Variants in MYRIP observed in about 807,000 individuals in gnomAD.
MYRIP encodes myosin VIIA and Rab interacting protein.
MYRIP carries 49 observed loss-of-function variants against 98.0 expected under a neutral mutation model. That is an observed-to-expected ratio of 0.50 (90% confidence interval 0.40 to 0.63). MYRIP has a LOEUF of 0.63. Ranked by LOEUF, MYRIP falls within the 30% of genes least tolerant of loss-of-function variation. The pLI is 0.00. For missense variants in MYRIP, 1,004 were observed against 1,058.2 expected (o/e 0.95, Z 0.71); for synonymous variants, 404 against 409.5 (o/e 0.99, Z 0.16).
intron 2 of MYRIP, among the ~76,000 whole-genome samples, chr3:39,930,785 G>A (rs1465295948): frequency 6.6e-6 from 1 of 151,956 alleles, no homozygotes; most frequent in Non-Finnish European, 1.5e-5. Flanking sequence ...AAAGACTACT[G>A]TTCCTCATTT....
At chr3:39,993,514 A>G (rs1946231973) in intron 2 of MYRIP, among the ~76,000 whole-genome samples, 1 of 152,144 alleles carries the variant, frequency 6.6e-6, no homozygotes, top group South Asian at 2.1e-4. Flanking sequence ...AAGTACCACC[A>G]TGTTGGGTGA....
intron 11 of MYRIP, among the ~76,000 whole-genome samples, chr3:40,214,941 A>G (rs2125674380): frequency 6.6e-6 from 1 of 152,262 alleles, no homozygotes; most frequent in East Asian, 1.9e-4. Context: ...CCAGGCCTGG[A>G]CCAGCAGTCC....
chr3:39,944,390 T>C (rs1944854873), intron 2 of MYRIP, among the ~76,000 whole-genome samples: 1 of 152,172 alleles, frequency 6.6e-6, no homozygotes, highest in Non-Finnish European at 1.5e-5. Flanking sequence ...GGAAGTACTC[T>C]ATACTGATAC....
At chr3:39,858,777 C>T (rs1346262723) in intron 1 of MYRIP, among the ~76,000 whole-genome samples, 5 of 151,980 alleles carry the variant, frequency 3.3e-5, no homozygotes, top group Admixed American at 3.3e-4. Flanking sequence ...TTAAAACACT[C>T]CTGAACAACC....
chr3:39,811,929 G>A (rs764785681), intron 1 of MYRIP, among the ~76,000 whole-genome samples: 5 of 152,106 alleles, frequency 3.3e-5, no homozygotes, highest in African/African-American at 4.8e-5. Flanking sequence ...ATTCCCGATG[G>A]CTGAAAAATA....
intron 2 of MYRIP, among the ~76,000 whole-genome samples, chr3:39,906,634 A>G (rs2125676343): frequency 6.6e-6 from 1 of 152,288 alleles, no homozygotes; most frequent in African/African-American, 2.4e-5. Flanking sequence ...CTCTTGAGAA[A>G]TTTTCAAATA....
chr3:39,875,576 T>A (rs575716624), intron 1 of MYRIP, among the ~76,000 whole-genome samples: 1 of 151,964 alleles, frequency 6.6e-6, no homozygotes, highest in Admixed American at 6.6e-5. Context: ...ACATCTTTAT[T>A]TCTGCCTTCA....
rs567408376 is a variant in MYRIP at position 40,067,306 on chromosome 3, G to A, written c.332+23035G>A. Among the ~76,000 whole-genome samples the A allele has an allele frequency of 1.2e-3, 177 of 152,308 alleles. 2 individuals carry two copies. The South Asian group carries it at 0.034, about 29-fold the overall frequency. ...TGGATTTGAGCAAAGGCTGTGTGCAGTTGTAAAGCAAGAATGAGGTCTGGG... is the reference window on the plus strand; with the variant it reads ...TGGATTTGAGCAAAGGCTGTGTGCAATTGTAAAGCAAGAATGAGGTCTGGG... On this transcript the variant is annotated intron_variant, in intron 3 of 16. Coordinates refer to ENST00000302541, the MANE Select transcript of MYRIP (RefSeq NM_015460.4).
At chr3:40,218,612 T>TTATATATACATATA in intron 11 of MYRIP, among the ~76,000 whole-genome samples, 1 of 13,574 alleles carries the variant, frequency 7.4e-5, no homozygotes, top group African/African-American at 1.3e-4. Flanking sequence ...TATATATATT[T>TTATATATACATATA]TATATATATA....
At chr3:39,899,214 C>T (rs4676532) in intron 1 of MYRIP, among the ~76,000 whole-genome samples, 52,820 of 151,674 alleles carry the variant, frequency 0.35, 9,524 homozygotes, top group Middle Eastern at 0.45. Context: ...TACTTGTATG[C>T]ATGCTGTACA....
chr3:39,848,877 A>G (rs1012504105), intron 1 of MYRIP, among the ~76,000 whole-genome samples: 2 of 152,238 alleles, frequency 1.3e-5, no homozygotes, highest in African/African-American at 4.8e-5. Context: ...TTAATAATTT[A>G]TATCTCTGTG....
At chr3:40,216,368 T>C (rs1343235294) in intron 11 of MYRIP, among the ~76,000 whole-genome samples, 1 of 152,120 alleles carries the variant, frequency 6.6e-6, no homozygotes, top group Non-Finnish European at 1.5e-5. Context: ...AGAGGAAGCA[T>C]AGATACTGTG....
chr3:40,053,721 C>A (rs1410456105), intron 3 of MYRIP, among the ~76,000 whole-genome samples: 2 of 152,154 alleles, frequency 1.3e-5, no homozygotes, highest in East Asian at 3.9e-4. Flanking sequence ...GCCTCTGGGT[C>A]CCCTGCCTTC....
In MYRIP at chr3:40,224,728, C is replaced by CA. The variant is rs529645037; in HGVS notation, c.1906-9129dup. On this transcript the variant is annotated intron_variant, in intron 11 of 16. Transcript: ENST00000302541. ...TTCTTTTATAGATGGCCTTGGCCAT[C>CA]AAGACCTGGATGACTTAAGAACCCA... 9.6e-4 allele frequency among the ~76,000 whole-genome samples: 147 copies of CA among 152,370 alleles called. 2 individuals carry two copies. The highest frequency in any genetic ancestry group is 3.2e-3 in the African/African-American group (133 of 41,594).
At chr3:40,022,997 A>G (rs555987764) in intron 2 of MYRIP, among the ~76,000 whole-genome samples, 19 of 152,214 alleles carry the variant, frequency 1.2e-4, no homozygotes, top group Non-Finnish European at 2.6e-4. Flanking sequence ...GACTGAAGAC[A>G]TGAGAACCAC....
chr3:40,105,565 A>G (rs1949036424), intron 3 of MYRIP, among the ~76,000 whole-genome samples: 1 of 152,122 alleles, frequency 6.6e-6, no homozygotes, highest in Non-Finnish European at 1.5e-5. Context: ...AAATAACCAG[A>G]TCTTGTGAGA....
chr3:40,180,909 G>A (rs1438705685), intron 8 of MYRIP, among the ~76,000 whole-genome samples: 2 of 152,142 alleles, frequency 1.3e-5, no homozygotes, highest in South Asian at 2.1e-4. Flanking sequence ...GCCCTAGCCT[G>A]GCCTGTGATG....
chr3:39,894,178 A>G (rs1943550904), intron 1 of MYRIP, among the ~76,000 whole-genome samples: 1 of 152,214 alleles, frequency 6.6e-6, no homozygotes, highest in African/African-American at 2.4e-5. Context: ...GAGCCATGAC[A>G]TGCATGTAAA....
In MYRIP at chr3:40,192,328, C is replaced by CATATATATATATATGTCAT. The variant is rs372192317; in HGVS notation, c.1665+1877_1665+1878insATGTCATATATATATATAT. On this transcript the variant is annotated intron_variant, in intron 10 of 16. Transcript: ENST00000302541. ...TTTCTTCATATATATATATATATGT[C>CATATATATATATATGTCAT]ATATATATATATGTCATATATATAT... 3.5e-3 allele frequency among the ~76,000 whole-genome samples: 134 copies of CATATATATATATATGTCAT among 37,800 alleles called. 3 individuals are homozygous for CATATATATATATATGTCAT. The highest frequency in any genetic ancestry group is 4.9e-3 in the Non-Finnish European group (115 of 23,580). The allele number at this position is 37,800 out of a possible 152,430, so 24.8% of individuals were successfully genotyped here.
Sources: allele counts gnomAD v4.1 joint callset (sites outside exome capture counted in the v4.1 genomes callset), GRCh38; gene constraint gnomAD v4.1.1; transcripts MANE v1.5; gene names NCBI Gene and HGNC (gene_info 2026-07-23, HGNC 2026-07-21).